ERICH3: variants seen among roughly 807,000 people sequenced by gnomAD.
ERICH3 encodes the protein glutamate rich 3.
ERICH3 carries 126 observed loss-of-function variants against 131.1 expected under a neutral mutation model. The ratio of observed to expected loss-of-function variants is 0.96; its 90% CI spans 0.83 to 1.11. ERICH3 has a LOEUF of 1.11. Ranked by LOEUF, ERICH3 falls within the 50% of genes most tolerant of loss-of-function variation. The pLI is 0.00. For synonymous variants in ERICH3, 695 were observed against 644.6 expected (o/e 1.08, Z -1.18); for missense variants, 2,050 against 1,810.7 (o/e 1.13, Z -2.40).
In ERICH3 at chr1:74,631,718, T is replaced by A. The variant is rs1394909134; in HGVS notation, c.814A>T (p.Thr272Ser). 1 of 1,609,030 alleles carries A rather than the reference T, an allele frequency of 6.2e-7. No homozygotes were observed. The highest frequency in any genetic ancestry group is 8.5e-7 in the Non-Finnish European group (1 of 1,175,554). Reference protein sequence around the residue: ...TAPNGLEPLLTKDSRRIHKTS... With the variant: ...TAPNGLEPLLSKDSRRIHKTS... Reference sequence around the variant, plus strand: ...AAAATTTGTTCCATAATCACCTTTGTCAAAAGAGGTTCTAAGCCATTTGGA... The same window carrying A: ...AAAATTTGTTCCATAATCACCTTTGACAAAAGAGGTTCTAAGCCATTTGGA... Residue 272 changes from threonine (T) to serine (S), a missense_variant, in exon 7 of 15, where the codon ACA (threonine) becomes TCA (serine). Transcript: ENST00000326665.
At chr1:74,603,630 T>C (rs906728734) in intron 10 of ERICH3, among the ~76,000 whole-genome samples, 1 of 151,818 alleles carries the variant, frequency 6.6e-6, no homozygotes, top group African/African-American at 2.4e-5. Flanking sequence ...ATATTGCAGG[T>C]TCAGTTCCAG....
intron 8 of ERICH3, among the ~76,000 whole-genome samples, chr1:74,618,393 T>TG (rs1175641450): frequency 6.6e-6 from 1 of 152,080 alleles, no homozygotes; most frequent in Non-Finnish European, 1.5e-5. Context: ...ATAGTGCGTA[T>TG]GGGACAAGTG....
intron 11 of ERICH3, among the ~76,000 whole-genome samples, 180 bp downstream of exon 11, chr1:74,599,514 GA>G (rs1176440715): frequency 2.0e-5 from 3 of 151,646 alleles, no homozygotes; most frequent in Non-Finnish European, 4.4e-5. Context: ...CGTGTACGAC[GA>G]ACCCCCATGA....
intron 12 of ERICH3, among the ~76,000 whole-genome samples, chr1:74,581,146 T>A (rs1647170762): frequency 1.3e-5 from 2 of 152,198 alleles, no homozygotes; most frequent in African/African-American, 2.4e-5. Flanking sequence ...TGTTAGGATT[T>A]GCAGATGTTC....
chr1:74,666,214 TCATCGAC>T (rs1646690832), intron 1 of ERICH3, among the ~76,000 whole-genome samples: 1 of 152,048 alleles, frequency 6.6e-6, no homozygotes, highest in Non-Finnish European at 1.5e-5. Flanking sequence ...AGTAACCTGC[TCATCGAC>T]CAAAAAAGTT....
chr1:74,573,346 T>C lies in ERICH3; in HGVS notation c.2364A>G (p.Ile788Met). The C allele has an allele frequency of 3.1e-6, 5 of 1,611,540 alleles. No homozygotes were observed. Among genetic ancestry groups the C allele is most frequent in the Non-Finnish European group, 4.2e-6 (5 of 1,179,028 alleles). The change falls in exon 14 of 15, where the codon ATA becomes ATG. Residue 788 changes from isoleucine (I) to methionine (M), a missense_variant. Coordinates refer to ENST00000326665, the MANE Select transcript of ERICH3 (RefSeq NM_001002912.5). ...DEAPQHRDAD[I>M]VQGKGEAALW... ...GTGCTGCCTCCCCTTTTCCCTGTAC[T>C]ATGTCAGCATCTCTGTGCTGGGGCG...
At chr1:74,671,097 G>A (rs1006322826) in intron 1 of ERICH3, among the ~76,000 whole-genome samples, 17 of 152,122 alleles carry the variant, frequency 1.1e-4, no homozygotes, top group African/African-American at 4.1e-4. Context: ...TGTTTAAGAC[G>A]TTTATCAAGA....
intron 1 of ERICH3, among the ~76,000 whole-genome samples, chr1:74,659,274 C>G (rs902282428): frequency 2.0e-5 from 3 of 152,066 alleles, no homozygotes; most frequent in Non-Finnish European, 4.4e-5. Context: ...ACACTGTCCT[C>G]CTGCTAGAAG....
intron 11 of ERICH3, among the ~76,000 whole-genome samples, chr1:74,599,001 G>C (rs952040423): frequency 4.0e-5 from 6 of 151,648 alleles, no homozygotes; most frequent in Non-Finnish European, 5.9e-5. Flanking sequence ...TGACTTTTTA[G>C]GATACTTAAT....
At chr1:74,646,889 G>GACACACACACACAGACACAC (rs1646489196) in intron 2 of ERICH3, 97 bp from the exon 3 acceptor site, 1 of 241,598 alleles carries the variant, frequency 4.1e-6, no homozygotes, top group African/African-American at 2.6e-5. Context: ...AAGACAGACA[G>GACACACACACACAGACACAC]ACACACACAC....
intron 10 of ERICH3, among the ~76,000 whole-genome samples, chr1:74,603,310 T>TA (rs1648231860): frequency 6.6e-6 from 1 of 152,002 alleles, no homozygotes; most frequent in African/African-American, 2.4e-5. Context: ...GCTTTGGAAT[T>TA]AGACAAACCT....
rs539784410 is a variant in ERICH3, at chr1:74,655,541, C to T, written c.24-6226G>A. Among the ~76,000 whole-genome samples, 17 of 152,282 alleles carry T rather than the reference C, an allele frequency of 1.1e-4. No homozygotes were observed. In the South Asian group the frequency reaches 2.7e-3, roughly 24 times the overall value. ...CTCTCTGGTTCTGGCTCTTCTGCCT[C>T]CCTCTTCCCCATTTAGGGACCTTTG... On this transcript the variant is annotated intron_variant, in intron 1 of 14. Coordinates refer to ENST00000326665, the MANE Select transcript of ERICH3 (RefSeq NM_001002912.5).
At chr1:74,604,913 T>G (rs892937745) in intron 10 of ERICH3, among the ~76,000 whole-genome samples, 1 of 151,812 alleles carries the variant, frequency 6.6e-6, no homozygotes, top group Admixed American at 6.6e-5. Flanking sequence ...AAAAGAAGAG[T>G]CAGCCTATCC....
At chr1:74,600,119 T>A (rs1557677629) in intron 10 of ERICH3, among the ~76,000 whole-genome samples, 188 bp from the exon 11 acceptor site, 1 of 151,790 alleles carries the variant, frequency 6.6e-6, no homozygotes, top group African/African-American at 2.4e-5. Flanking sequence ...ATCAGTTACA[T>A]ACACAAGAGC....
At position 74,612,778 on chromosome 1, in the gene ERICH3, A is replaced by G; in HGVS notation, c.1032T>C (p.His344=). 1 of 1,592,260 alleles carries G rather than the reference A, an allele frequency of 6.3e-7. No individual in the cohort carries two copies. Among genetic ancestry groups the G allele is most frequent in the South Asian group, 1.1e-5 (1 of 89,558 alleles). Residue 344 remains histidine, a synonymous_variant, in exon 9 of 15, where the codon CAT becomes CAC. Transcript: ENST00000326665. ...ETFQFISKRH[H]GFPFSLTFFL... Reference sequence around the variant, plus strand: ...AAAAGGTGAGACTGAAGGGGAAACCATGATGCCTTTTGGAAATAAACTGAA... The same window carrying G: ...AAAAGGTGAGACTGAAGGGGAAACCGTGATGCCTTTTGGAAATAAACTGAA...
chr1:74,663,347 A>G (rs1047452583), intron 1 of ERICH3, among the ~76,000 whole-genome samples: 1 of 152,168 alleles, frequency 6.6e-6, no homozygotes, highest in African/African-American at 2.4e-5. Flanking sequence ...TCACACAACA[A>G]CTATCTGGCA....
At chr1:74,585,078 A>C (rs996344234) in intron 12 of ERICH3, among the ~76,000 whole-genome samples, 1 of 152,208 alleles carries the variant, frequency 6.6e-6, no homozygotes, top group Admixed American at 6.5e-5. Flanking sequence ...TGACATTATA[A>C]TTTACATTAA....
At position 74,572,107 on chromosome 1, in the gene ERICH3, A is replaced by G. The variant is rs376859355; in HGVS notation, c.3603T>C (p.Asn1201=). 6.2e-7 allele frequency: 1 copy of G among 1,613,934 alleles called. No individual in the cohort carries two copies. The highest frequency in any genetic ancestry group is 1.3e-5 in the African/African-American group (1 of 74,874). The part of the protein sequence containing the change: ...KDREELSSRE[N]RALKEGHRQD... Reference sequence around the variant, plus strand: ...GGCGGTGCCCTTCCTTCAGGGCCCTATTCTCCCTGCTGGACAGCTCTTCTC... The same window carrying G: ...GGCGGTGCCCTTCCTTCAGGGCCCTGTTCTCCCTGCTGGACAGCTCTTCTC... Residue 1201 remains asparagine, a synonymous_variant, in exon 14 of 15, where the codon AAT becomes AAC. Transcript: ENST00000326665.
At position 74,637,297 on chromosome 1, in the gene ERICH3, C is replaced by A. The variant is rs187328536; in HGVS notation, c.445-859G>T. 3.8e-3 allele frequency among the ~76,000 whole-genome samples: 580 copies of A among 152,182 alleles called. 1 individual carries two copies. Among genetic ancestry groups the A allele is most frequent in the African/African-American group, 0.013 (548 of 41,530 alleles). The stretch of plus-strand genomic sequence containing the variant: ...AAAGTCCACAGCTTCTACTGGGAAG[C>A]CCTCTCCCAGCTACAGGTACTAGCA... On this transcript the variant is annotated intron_variant, in intron 5 of 14. Coordinates refer to ENST00000326665, the MANE Select transcript of ERICH3 (RefSeq NM_001002912.5).
Sources: gnomAD v4.1 joint callset for allele counts (sites outside exome capture counted in the v4.1 genomes callset) on GRCh38, gnomAD v4.1.1 for gene constraint, MANE v1.5 for transcripts, NCBI Gene and HGNC (gene_info 2026-07-23, HGNC 2026-07-21) for gene names.